CDC42BPB: variants seen among roughly 807,000 people sequenced by gnomAD.
CDC42BPB encodes serine/threonine-protein kinase MRCK beta.
Under a neutral mutation model 214.9 loss-of-function variants are expected in CDC42BPB, and 37 were observed. The observed-to-expected ratio is 0.17, with a 90% CI of 0.13 to 0.23. The LOEUF is 0.23. Ranked by LOEUF, CDC42BPB falls within the 10% of genes least tolerant of loss-of-function variation. The probability of loss-of-function intolerance (pLI) is 1.00; values close to 1 mark genes in which losing one functional copy is unlikely to be tolerated. For synonymous variants in CDC42BPB, 931 were observed against 884.0 expected, an observed-to-expected ratio of 1.05 and a Z score of -0.94; for missense variants, 1,694 against 2,227.0, an observed-to-expected ratio of 0.76 and a Z score of 4.82.
intron 5 of CDC42BPB, among the ~76,000 whole-genome samples, chr14:102,991,162 G>T (rs1008679308): frequency 2.6e-5 from 4 of 152,204 alleles, no homozygotes; most frequent in Non-Finnish European, 5.9e-5. Flanking sequence ...TCTTAACTGC[G>T]TGATGGGTTT....
chr14:102,958,576 T>A (rs928435661), intron 21 of CDC42BPB, among the ~76,000 whole-genome samples: 1 of 152,100 alleles, frequency 6.6e-6, no homozygotes, highest in African/African-American at 2.4e-5. Context: ...GAGGAAAGGC[T>A]GTCCTGCCTC....
chr14:102,958,348 G>A (rs1392420926), intron 21 of CDC42BPB, among the ~76,000 whole-genome samples: 9 of 152,214 alleles, frequency 5.9e-5, no homozygotes, highest in Non-Finnish European at 1.2e-4. Flanking sequence ...TGTTGAGAGA[G>A]AGAAAGCAGA....
chr14:103,038,715 C>CGGGG (rs34311134), intron 1 of CDC42BPB, among the ~76,000 whole-genome samples: 7 of 29,154 alleles, frequency 2.4e-4, no homozygotes, highest in African/African-American at 5.4e-4. Context: ...TTTGTAGAGA[C>CGGGG]GGGGGGGGGG....
At chr14:102,993,656 C>T (rs1473056261) in intron 5 of CDC42BPB, among the ~76,000 whole-genome samples, 1 of 152,154 alleles carries the variant, frequency 6.6e-6, no homozygotes, top group African/African-American at 2.4e-5. Context: ...AGCGCTCACT[C>T]GACCTCACAA....
chr14:102,974,153 G>C lies in CDC42BPB; in HGVS notation c.1508-4C>G. Reference sequence around the variant, plus strand: ...TGTCGCTCGAGCCTGTTTGAATCTGGACAAAAGAGGAAATAAACTCTGTTC... The same window carrying C: ...TGTCGCTCGAGCCTGTTTGAATCTGCACAAAAGAGGAAATAAACTCTGTTC... On this transcript the variant is annotated splice_region_variant and splice_polypyrimidine_tract_variant and intron_variant, in intron 11 of 36. Coordinates refer to ENST00000361246, the MANE Select transcript of CDC42BPB (RefSeq NM_006035.4). The C allele has an allele frequency of 1.9e-6, 3 of 1,612,898 alleles. No individual in the cohort carries two copies. Among genetic ancestry groups the C allele is most frequent in the Admixed American group, 1.7e-5 (1 of 59,598 alleles).
chr14:103,033,744 G>A (rs987692995), intron 1 of CDC42BPB, among the ~76,000 whole-genome samples: 1 of 152,072 alleles, frequency 6.6e-6, no homozygotes, highest in African/African-American at 2.4e-5. Context: ...GAGTGACATG[G>A]GATACCAGCT....
chr14:103,005,705 G>GA (rs546871029), intron 3 of CDC42BPB, among the ~76,000 whole-genome samples: 5 of 150,114 alleles, frequency 3.3e-5, no homozygotes, highest in Admixed American at 1.3e-4. Flanking sequence ...TCTAAAACAA[G>GA]AAAAAAAAAG....
chr14:102,965,388 TAAAAAAAAAAAA>T (rs765936398), intron 18 of CDC42BPB, among the ~76,000 whole-genome samples: 1 of 115,268 alleles, frequency 8.7e-6, no homozygotes, highest in African/African-American at 3.1e-5. Flanking sequence ...TACCTGTGAT[TAAAAAAAAAAAA>T]AAAAAAAAAA....
chr14:103,004,167 G>C lies in CDC42BPB; in HGVS notation c.352-144C>G, dbSNP rs1412679684. On this transcript the variant is annotated intron_variant, in intron 3 of 36. Transcript: ENST00000361246. This position sits in a 1 kb window ranked among gnomAD's most constrained non-coding sequence, Gnocchi z 5.3. Reference sequence around the variant, plus strand: ...GGCTCCTCCTCGTGCACCACCCCGAGGCTGCTGAGGCTGAGCCATCCCTCA... The same window carrying C: ...GGCTCCTCCTCGTGCACCACCCCGACGCTGCTGAGGCTGAGCCATCCCTCA... 5.0e-6 allele frequency: 7 copies of C among 1,391,060 alleles called. No homozygotes were observed. Among genetic ancestry groups the C allele is most frequent in the Admixed American group, 2.9e-5 (1 of 34,690 alleles). The allele number at this position is 1,391,060 out of a possible 1,614,324, so 86.2% of individuals were successfully genotyped here.
At chr14:102,969,363 C>G (rs1056777009) in intron 14 of CDC42BPB, among the ~76,000 whole-genome samples, 2 of 152,044 alleles carry the variant, frequency 1.3e-5, no homozygotes, top group African/African-American at 4.8e-5. Context: ...AGCTGCGGAG[C>G]CACGGAGGCC....
intron 22 of CDC42BPB, 82 bp downstream of exon 22, chr14:102,954,520 G>T: frequency 7.0e-7 from 1 of 1,429,822 alleles, no homozygotes. Flanking sequence ...CTGTTATGCA[G>T]GGGCCAGGTG....
chr14:103,048,361 T>A (rs1888410717), intron 1 of CDC42BPB, among the ~76,000 whole-genome samples: 1 of 151,540 alleles, frequency 6.6e-6, no homozygotes, highest in South Asian at 2.1e-4. Context: ...CTGGCCAACA[T>A]GGTGAAACCC....
rs181318608 is a variant in CDC42BPB, at chr14:102,975,672, T to C, written c.1507+12A>G. ...AAATAGAGACTAAGAAGTCACACTTTTAAACACATACCTGCTATTTTATTC... is the reference window on the plus strand; with the variant it reads ...AAATAGAGACTAAGAAGTCACACTTCTAAACACATACCTGCTATTTTATTC... On this transcript the variant is annotated intron_variant, in intron 11 of 36. Coordinates refer to ENST00000361246, the MANE Select transcript of CDC42BPB (RefSeq NM_006035.4). 6.2e-7 allele frequency: 1 copy of C among 1,613,496 alleles called. No individual in the cohort carries two copies. Among genetic ancestry groups the C allele is most frequent in the African/African-American group, 1.3e-5 (1 of 75,052 alleles).
At position 102,970,064 on chromosome 14, in the gene CDC42BPB, C is replaced by A. The variant is rs558372123; in HGVS notation, c.1995+87G>T. The A allele has an allele frequency of 4.7e-6, 5 of 1,074,226 alleles. No homozygotes were observed. The African/African-American group carries it at 6.2e-5, about 13-fold the overall frequency. The allele number at this position is 1,074,226 out of a possible 1,614,324, so 66.5% of individuals were successfully genotyped here. On this transcript the variant is annotated intron_variant, in intron 14 of 36. Transcript: ENST00000361246. ...CGGGTGACACTCGGCCCGGACCACA[C>A]ATTACACAAGGTGACTTCCATGTGG...
intron 4 of CDC42BPB, among the ~76,000 whole-genome samples, chr14:103,000,795 G>A (rs1001227075): frequency 6.6e-6 from 1 of 152,232 alleles, no homozygotes; most frequent in Non-Finnish European, 1.5e-5. Flanking sequence ...ACACAGGCCA[G>A]TGCTGTCCTG....
rs758402898 is a variant in CDC42BPB at position 102,972,081 on chromosome 14, C to T, written c.1722G>A (p.Leu574=). 6 of 1,614,284 alleles carry T rather than the reference C, an allele frequency of 3.7e-6. No individual in the cohort carries two copies. The South Asian group carries it at 5.5e-5, about 15-fold the overall frequency. ...KDAHQQRKLA[L]QEFSELNERM... Reference sequence around the variant, plus strand: ...GCTCGTTCAGCTCCGAGAACTCCTGCAGGGCCAGCTTTCGCTGCTGATGGG... The same window carrying T: ...GCTCGTTCAGCTCCGAGAACTCCTGTAGGGCCAGCTTTCGCTGCTGATGGG... Residue 574 remains leucine (L), a synonymous_variant, in exon 13 of 37, where the codon CTG becomes CTA. Transcript: ENST00000361246.
intron 36 of CDC42BPB, among the ~76,000 whole-genome samples, chr14:102,935,728 T>A (rs1219309599): frequency 6.9e-6 from 1 of 145,984 alleles, no homozygotes; most frequent in African/African-American, 2.6e-5. Flanking sequence ...AAACAAAGGT[T>A]GCAGTGAGCC....
chr14:103,045,069 T>C (rs1215509156), intron 1 of CDC42BPB, among the ~76,000 whole-genome samples: 1 of 148,494 alleles, frequency 6.7e-6, no homozygotes, highest in African/African-American at 2.5e-5. Flanking sequence ...TAAATAAATA[T>C]TGAAAAATAA....
intron 9 of CDC42BPB, among the ~76,000 whole-genome samples, chr14:102,976,587 G>T (rs1176904962): frequency 6.6e-6 from 1 of 152,254 alleles, no homozygotes; most frequent in Non-Finnish European, 1.5e-5. Flanking sequence ...TGAAGCCCAG[G>T]ATGGCTCTCA....
Sources: gnomAD v4.1 joint callset for allele counts (sites outside exome capture counted in the v4.1 genomes callset) on GRCh38, gnomAD v4.1.1 for gene constraint, Gnocchi (gnomAD v3.1) non-coding constraint, MANE v1.5 for transcripts, NCBI Gene and HGNC (gene_info 2026-07-23, HGNC 2026-07-21) for gene names.